The following MACROD1 variants were observed in gnomAD, a reference collection of about 807,000 sequenced individuals.
The protein encoded by MACROD1 is ADP-ribose glycohydrolase MACROD1.
In MACROD1, 31 loss-of-function variants were observed where a neutral mutation model predicts 41.4. The ratio of observed to expected loss-of-function variants is 0.75; its 90% CI spans 0.56 to 1.01. The LOEUF is 1.01. MACROD1 is among the 50% of genes least tolerant of loss of function. The pLI is 0.00. For missense variants in MACROD1, 473 were observed against 460.0 expected (o/e 1.03, Z -0.26); for synonymous variants, 252 against 203.4 (o/e 1.24, Z -2.03).
chr11:64,000,314 G>C lies in MACROD1; in HGVS notation c.577C>G (p.Pro193Ala), dbSNP rs1021702208. Residue 193 changes from proline (P) to alanine (A), a missense_variant, in exon 5 of 11, where the codon CCC becomes GCC. By Grantham distance (27) the Pro-to-Ala change is conservative. Transcript: ENST00000255681. ...GTCCGGCACTCGTCGGTAAGCAGGG[G>C]GCCGGCGGCCCGATGAATGCAGCCG... ...VDGCIHRAAG[P>A]LLTDECRTLQ... The C allele has an allele frequency of 6.3e-7, 1 of 1,591,834 alleles. No homozygotes were observed. Among genetic ancestry groups the C allele is most frequent in the Non-Finnish European group, 8.5e-7 (1 of 1,170,246 alleles).
chr11:64,140,416 G>A (rs1945395713), intron 3 of MACROD1, among the ~76,000 whole-genome samples: 1 of 152,220 alleles, frequency 6.6e-6, no homozygotes, highest in Non-Finnish European at 1.5e-5. Flanking sequence ...GCCATGCCAG[G>A]TCCAGCAGGT....
At chr11:64,114,019 G>T (rs111210935) in intron 3 of MACROD1, among the ~76,000 whole-genome samples, 66 of 106,148 alleles carry the variant, frequency 6.2e-4, no homozygotes, top group Non-Finnish European at 1.1e-3. Flanking sequence ...TGCATGGATG[G>T]ATGGATGGAT....
At chr11:64,139,509 G>A (rs145584977) in intron 3 of MACROD1, among the ~76,000 whole-genome samples, 2 of 152,336 alleles carry the variant, frequency 1.3e-5, no homozygotes, top group East Asian at 3.9e-4. Context: ...AGCTGCCCCT[G>A]CCCTCGAGGG....
intron 3 of MACROD1, among the ~76,000 whole-genome samples, chr11:64,143,984 G>A (rs757124826): frequency 1.3e-5 from 2 of 151,956 alleles, no homozygotes; most frequent in Non-Finnish European, 2.9e-5. Context: ...AGACCTAGAG[G>A]GAGACACCTC....
At chr11:64,065,064 C>A (rs972217752) in intron 3 of MACROD1, among the ~76,000 whole-genome samples, 1 of 152,166 alleles carries the variant, frequency 6.6e-6, no homozygotes, top group South Asian at 2.1e-4. Context: ...CCAGCAGGGC[C>A]CAGCACAGGC....
intron 3 of MACROD1, among the ~76,000 whole-genome samples, chr11:64,044,663 G>A (rs2134396147): frequency 6.6e-6 from 1 of 152,270 alleles, no homozygotes; most frequent in East Asian, 1.9e-4. Flanking sequence ...CGTTCATTAG[G>A]GTGAACTTGG....
intron 4 of MACROD1, among the ~76,000 whole-genome samples, chr11:64,011,598 G>A (rs956357700): frequency 1.3e-5 from 2 of 151,960 alleles, no homozygotes; most frequent in African/African-American, 4.8e-5. Flanking sequence ...AGTCCATTCC[G>A]GTGGGGAGGC....
At position 64,120,101 on chromosome 11, in the gene MACROD1, G is replaced by A. The variant is rs1945072309; in HGVS notation, c.517+31138C>T. The stretch of plus-strand genomic sequence containing the variant: ...AAGCAAAGGCAGAAGCAGCAGCGGG[G>A]CAGGGGTTACGTTAAAAGGCCCGAC... On this transcript the variant is annotated intron_variant, in intron 3 of 10. Transcript: ENST00000255681. The surrounding 1 kb of genome is among the most constrained non-coding windows in gnomAD (Gnocchi z 4.5). Among the ~76,000 whole-genome samples the A allele has an allele frequency of 6.6e-6, 1 of 152,186 alleles. No homozygotes were observed. The highest frequency in any genetic ancestry group is 1.5e-5 in the Non-Finnish European group (1 of 68,040).
intron 3 of MACROD1, among the ~76,000 whole-genome samples, chr11:64,098,054 T>C (rs1240718681): frequency 2.0e-5 from 3 of 152,196 alleles, no homozygotes; most frequent in African/African-American, 7.2e-5. Context: ...CCCATGTCCC[T>C]GTCCCTGTTC....
chr11:64,111,727 G>A lies in MACROD1; in HGVS notation c.517+39512C>T, dbSNP rs544128819. Among the ~76,000 whole-genome samples, 4 of 152,346 alleles carry A rather than the reference G, an allele frequency of 2.6e-5. No individual in the cohort carries two copies. The East Asian group carries it at 5.8e-4, about 22-fold the overall frequency. On this transcript the variant is annotated intron_variant, in intron 3 of 10. Transcript: ENST00000255681. ...TTTTCCTGATCCTCTGAAGGCTGAT[G>A]TGTCTAGCTCTGCATGCTGTCCTGG...
At chr11:64,138,367 C>G (rs566884843) in intron 3 of MACROD1, among the ~76,000 whole-genome samples, 77 of 152,388 alleles carry the variant, frequency 5.1e-4, no homozygotes, top group African/African-American at 1.8e-3. Flanking sequence ...TCCCCGCAGG[C>G]TGCCAGAGGG....
At chr11:64,042,958 C>T (rs930905607) in intron 3 of MACROD1, among the ~76,000 whole-genome samples, 34 of 152,350 alleles carry the variant, frequency 2.2e-4, no homozygotes, top group African/African-American at 8.2e-4. Context: ...TGGAGACACG[C>T]CCTGTCCAGT....
intron 3 of MACROD1, among the ~76,000 whole-genome samples, chr11:64,031,387 T>C (rs1258014821): frequency 6.6e-6 from 1 of 151,936 alleles, no homozygotes; most frequent in Admixed American, 6.5e-5. Flanking sequence ...GCCCTCTGTG[T>C]TGTGCATAAT....
At chr11:64,006,214 C>T (rs1471030778) in intron 4 of MACROD1, among the ~76,000 whole-genome samples, 1 of 152,260 alleles carries the variant, frequency 6.6e-6, no homozygotes, top group Non-Finnish European at 1.5e-5. Context: ...GCGCTCTCTT[C>T]TCTCCCAGCC....
chr11:64,143,406 A>T (rs1235703662), intron 3 of MACROD1, among the ~76,000 whole-genome samples: 1 of 152,054 alleles, frequency 6.6e-6, no homozygotes, highest in Non-Finnish European at 1.5e-5. Flanking sequence ...GTTGAGCAGA[A>T]GGAACACTCA....
intron 3 of MACROD1, among the ~76,000 whole-genome samples, chr11:64,133,033 C>A (rs1478280943): frequency 6.6e-6 from 1 of 152,102 alleles, no homozygotes; most frequent in Non-Finnish European, 1.5e-5. Context: ...GGTCAGTGAG[C>A]TGGAGGGAAA....
intron 3 of MACROD1, among the ~76,000 whole-genome samples, chr11:64,102,251 G>A (rs905741198): frequency 1.4e-4 from 21 of 152,196 alleles, no homozygotes; most frequent in African/African-American, 4.1e-4. Flanking sequence ...TCCACATGCC[G>A]CACTAATGAG....
intron 3 of MACROD1, among the ~76,000 whole-genome samples, chr11:64,080,757 G>A (rs113508555): frequency 0.048 from 7,255 of 152,270 alleles, 376 homozygotes; most frequent in African/African-American, 0.12. Context: ...GGATCCAGGG[G>A]TGGCTTTTAG....
At chr11:64,159,794 C>A (rs1945726904) in intron 1 of MACROD1, among the ~76,000 whole-genome samples, 1 of 151,570 alleles carries the variant, frequency 6.6e-6, no homozygotes, top group South Asian at 2.1e-4. Flanking sequence ...AACTCGGTCT[C>A]AAAAAAAATT....
Sources: allele counts gnomAD v4.1 joint callset (sites outside exome capture counted in the v4.1 genomes callset), GRCh38; gene constraint gnomAD v4.1.1; non-coding constraint Gnocchi (gnomAD v3.1); transcripts MANE v1.5; gene names NCBI Gene and HGNC (gene_info 2026-07-23, HGNC 2026-07-21).